Variants in FLOT1 observed in about 807,000 individuals in gnomAD.
The protein encoded by FLOT1 is flotillin-1.
FLOT1 carries 40 observed loss-of-function variants against 58.4 expected under a neutral mutation model. That is an observed-to-expected ratio of 0.69 (90% CI 0.53 to 0.89). The LOEUF (loss-of-function observed/expected upper bound fraction) is 0.89, where lower values mean the gene tolerates loss of function less well. FLOT1 is among the 40% of genes least tolerant of loss of function. The pLI, the probability that FLOT1 is intolerant of heterozygous loss-of-function variation, is 0.00. For synonymous variants in FLOT1, 178 were observed against 204.2 expected (o/e 0.87, Z 1.09); for missense variants, 423 against 540.8 (o/e 0.78, Z 2.16).
intron 9 of FLOT1, 74 bp from the exon 10 acceptor site, chr6:30,730,801 G>A (rs1258957847): frequency 5.0e-6 from 8 of 1,606,270 alleles, no homozygotes; most frequent in Non-Finnish European, 6.8e-6. Context: ...GTGCTGCAGA[G>A]GCAGACGCTC....
rs1777636421 is a variant in FLOT1, at chr6:30,737,211, TCCGTCCGTCC to T, written c.723+2937_723+2946del. Among the ~76,000 whole-genome samples the T allele has an allele frequency of 1.3e-5, 1 of 76,174 alleles. No individual in the cohort carries two copies. The highest frequency in any genetic ancestry group is 4.6e-5 in the African/African-American group (1 of 21,744). 50.0% of individuals were successfully genotyped at this position (76,174 alleles called of 152,430 possible). ...TGACTGACTGACTGACTGTCTGTCG[TCCGTCCGTCC>T]GTCCGTCCGTCCGTCCGTCCGTCCG... On this transcript the variant is annotated intron_variant, in intron 8 of 12. Transcript: ENST00000376389. The surrounding 1 kb of genome is among the most constrained non-coding windows in gnomAD (Gnocchi z 4.4).
rs761767550 is a variant in FLOT1 at position 30,741,294 on chromosome 6, C to T, written c.250G>A (p.Ala84Thr). Residue 84 changes from alanine (A) to threonine (T), a missense_variant, in exon 5 of 13, where the codon GCC (alanine) becomes ACC (threonine). By Grantham distance (58) the Ala-to-Thr change is moderately conservative. Around this residue, in one of 6 missense-constraint regions of FLOT1, gnomAD observed 91 missense variants for 118.3 expected, o/e 0.77. Coordinates refer to ENST00000376389, the MANE Select transcript of FLOT1 (RefSeq NM_005803.4). This position sits in a 1 kb window ranked among gnomAD's most constrained non-coding sequence, Gnocchi z 5.9. ...QGQNKEMLAA[A>T]CQMFLGKTEA... ...GTCTTCCCCAGGAACATCTGACAGG[C>T]GGCCGCCAACATCTCCTTGTTCTGC... is the stretch of plus-strand genomic sequence containing the variant. 7 of 1,613,088 alleles carry T rather than the reference C, an allele frequency of 4.3e-6. No individual in the cohort carries two copies. The highest frequency in any genetic ancestry group is 2.2e-5 in the South Asian group (2 of 91,082).
rs775965411 is a variant in FLOT1 at position 30,741,638 on chromosome 6, G to A, written c.186C>T (p.Pro62=). 6.2e-7 allele frequency: 1 copy of A among 1,612,448 alleles called. No homozygotes were observed. Among genetic ancestry groups the A allele is most frequent in the South Asian group, 1.1e-5 (1 of 91,082 alleles). The change falls in exon 4 of 13, where the codon CCC becomes CCT. Residue 62 remains proline (P), a synonymous_variant. Transcript: ENST00000376389. The surrounding 1 kb of genome is among the most constrained non-coding windows in gnomAD (Gnocchi z 5.9). ...SEKVYTRHGV[P]ISVTGIAQVK... ...CCTGGGCAATGCCAGTGACTGAGAT[G>A]GGGACCCCATGGCGAGTGTAAACCT...
chr6:30,739,549 T>C (rs1777814507), intron 8 of FLOT1, among the ~76,000 whole-genome samples: 1 of 152,164 alleles, frequency 6.6e-6, no homozygotes, highest in South Asian at 2.1e-4. Context: ...TTTGTATTTT[T>C]AGTAGAAACA....
intron 8 of FLOT1, among the ~76,000 whole-genome samples, chr6:30,736,601 C>T (rs573138027): frequency 7.8e-6 from 1 of 128,854 alleles, no homozygotes; most frequent in African/African-American, 3.4e-5. Flanking sequence ...TCATCTTTTG[C>T]TTTTTTTTTT....
At chr6:30,739,425 A>T (rs1202736229) in intron 8 of FLOT1, among the ~76,000 whole-genome samples, 1 of 151,218 alleles carries the variant, frequency 6.6e-6, no homozygotes, top group Non-Finnish European at 1.5e-5. Context: ...GCTGGAGTGC[A>T]ATGGCGTGGT....
chr6:30,739,562 G>A lies in FLOT1; in HGVS notation c.723+596C>T, dbSNP rs762203501. 1.1e-3 allele frequency among the ~76,000 whole-genome samples: 160 copies of A among 152,092 alleles called. 3 individuals carry two copies. Among genetic ancestry groups the A allele is most frequent in the Admixed American group, 1.2e-3 (19 of 15,258 alleles). ...TTTTTGTATTTTTAGTAGAAACAGG[G>A]TTTCACTATGTTGGCCAGGCTAGTC... On this transcript the variant is annotated intron_variant, in intron 8 of 12. Transcript: ENST00000376389.
chr6:30,729,926 G>T, intron 12 of FLOT1, 96 bp downstream of exon 12: 1 of 1,071,588 alleles, frequency 9.3e-7, no homozygotes, highest in South Asian at 1.4e-5. Context: ...AAACATCAAT[G>T]ACTCCCAGGC....
intron 8 of FLOT1, among the ~76,000 whole-genome samples, chr6:30,731,408 C>G (rs569283485): frequency 6.8e-6 from 1 of 147,964 alleles, no homozygotes; most frequent in Admixed American, 7.0e-5. Flanking sequence ...TTGCTTGAAC[C>G]TGGGAGGCGA....
At chr6:30,740,834 G>GTTTTTTTTTTTTTTTTTTTTTTTTTTTT (rs34375360) in intron 5 of FLOT1, 36 bp from the exon 6 acceptor site, 1 of 969,836 alleles carries the variant, frequency 1.0e-6, no homozygotes. Context: ...AGGGATGTAA[G>GTTTTTTTTTTTTTTTTTTTTTTTTTTTT]TTTTTTTTTT....
chr6:30,729,271 G>A (rs1276101826), intron 12 of FLOT1, among the ~76,000 whole-genome samples: 1 of 151,432 alleles, frequency 6.6e-6, no homozygotes, highest in Non-Finnish European at 1.5e-5. Flanking sequence ...TAAAGATGGT[G>A]TTTCACCATG....
chr6:30,742,040 G>A lies in FLOT1; in HGVS notation c.43+107C>T. 7.7e-7 allele frequency: 1 copy of A among 1,302,186 alleles called. No homozygotes were observed. Among genetic ancestry groups the A allele is most frequent in the Non-Finnish European group, 1.1e-6 (1 of 907,370 alleles). 80.7% of individuals were successfully genotyped at this position (1,302,186 alleles called of 1,614,324 possible). ...ACTGGGCAGTTCGTGGCCATCAAGG[G>A]GCAGAAGTCTGGTGCTGGGAAGTTG... On this transcript the variant is annotated intron_variant, in intron 2 of 12. Coordinates refer to ENST00000376389, the MANE Select transcript of FLOT1 (RefSeq NM_005803.4). The surrounding 1 kb of genome is among the most constrained non-coding windows in gnomAD (Gnocchi z 5.2).
At chr6:30,733,595 G>A (rs1777348975) in intron 8 of FLOT1, among the ~76,000 whole-genome samples, 1 of 151,384 alleles carries the variant, frequency 6.6e-6, no homozygotes, top group Non-Finnish European at 1.5e-5. Context: ...ACAAAAATTA[G>A]CCAGCAATGG....
chr6:30,730,375 C>T, intron 11 of FLOT1, 53 bp downstream of exon 11: 3 of 1,536,660 alleles, frequency 2.0e-6, no homozygotes, highest in Non-Finnish European at 2.6e-6. Context: ...CACCCCACCC[C>T]TTAGTCCCTG....
rs192890770 is a variant in FLOT1 at position 30,734,542 on chromosome 6, C to T, written c.724-3442G>A. Among the ~76,000 whole-genome samples the T allele has an allele frequency of 4.2e-3, 637 of 152,184 alleles. 4 individuals are homozygous for T. The highest frequency in any genetic ancestry group is 0.015 in the African/African-American group (629 of 41,518). ...CAGGATGGTCTCGATCTCCTGACCT[C>T]GTGAGCCACCCACCTTGGCCTCCCA... On this transcript the variant is annotated intron_variant, in intron 8 of 12. Transcript: ENST00000376389.
intron 12 of FLOT1, among the ~76,000 whole-genome samples, chr6:30,729,077 AT>A (rs774761881): frequency 2.3e-3 from 283 of 125,462 alleles, no homozygotes; most frequent in Middle Eastern, 5.5e-3. Flanking sequence ...CGCGCCTGGA[AT>A]TTTTTTTTTT....
Position 30,741,349 on chromosome 6 carries a change from G to T in FLOT1, c.211-16C>A. The T allele has an allele frequency of 6.2e-7, 1 of 1,613,056 alleles. No homozygotes were observed. The highest frequency in any genetic ancestry group is 1.7e-5 in the Admixed American group (1 of 60,024). On this transcript the variant is annotated splice_polypyrimidine_tract_variant and intron_variant, in intron 4 of 12. Coordinates refer to ENST00000376389, the MANE Select transcript of FLOT1 (RefSeq NM_005803.4). This position sits in a 1 kb window ranked among gnomAD's most constrained non-coding sequence, Gnocchi z 5.9. ...GGATTTTTACCTGTAGCCAGAGTAG[G>T]GGTAGGAAAGGTGTGGTGGGGGTCT...
Position 30,728,135 on chromosome 6 carries a change from T to C in FLOT1, c.1265A>G (p.Lys422Arg), listed in dbSNP as rs1481946546. The C allele has an allele frequency of 1.9e-6, 3 of 1,612,898 alleles. No individual in the cohort carries two copies. Among genetic ancestry groups the C allele is most frequent in the Non-Finnish European group, 2.5e-6 (3 of 1,179,998 alleles). The change falls in exon 13 of 13, where the codon AAG (lysine) becomes AGG (arginine). Residue 422 changes from lysine to arginine, a missense_variant. Lys to Arg is a conservative substitution (Grantham distance 26). Coordinates refer to ENST00000376389, the MANE Select transcript of FLOT1 (RefSeq NM_005803.4). ...TGVSISQVNH[K>R]PLRTA The stretch of plus-strand genomic sequence containing the variant: ...GAAGGCTCAGGCTGTTCTCAAAGGC[T>C]TGTGATTCACCTGGCAAAAAGACAA...
chr6:30,742,215 G>T lies in FLOT1; in HGVS notation c.-14-12C>A. The T allele has an allele frequency of 6.2e-7, 1 of 1,612,564 alleles. No homozygotes were observed. The highest frequency in any genetic ancestry group is 8.5e-7 in the Non-Finnish European group (1 of 1,179,580). On this transcript the variant is annotated splice_polypyrimidine_tract_variant and intron_variant, in intron 1 of 12. Coordinates refer to ENST00000376389, the MANE Select transcript of FLOT1 (RefSeq NM_005803.4). The surrounding 1 kb of genome is among the most constrained non-coding windows in gnomAD (Gnocchi z 5.2). ...GGTTCAGGCTGGAGCTGGAGGAGAG[G>T]GAGGGAAAGCCTTTGCGGATGGGGA...
Sources: allele counts gnomAD v4.1 joint callset (sites outside exome capture counted in the v4.1 genomes callset), GRCh38; gene constraint gnomAD v4.1.1; regional missense constraint gnomAD v4.1.1; non-coding constraint Gnocchi (gnomAD v3.1); transcripts MANE v1.5; gene names NCBI Gene and HGNC (gene_info 2026-07-23, HGNC 2026-07-21).